BICC1: variants seen among roughly 807,000 people sequenced by gnomAD.
BICC1 encodes BicC family RNA binding protein 1.
Under a neutral mutation model 111.0 loss-of-function variants are expected in BICC1, and 43 were observed. That is an observed-to-expected ratio of 0.39 (90% CI 0.30 to 0.50). BICC1 has a LOEUF of 0.50. Among genes scored for constraint, BICC1 ranks in the 20% least tolerant of loss-of-function variants. The pLI is 0.88. For missense variants in BICC1, 1,091 were observed against 1,203.2 expected (o/e 0.91, Z 1.38); for synonymous variants, 467 against 434.4 (o/e 1.07, Z -0.93).
intron 3 of BICC1, among the ~76,000 whole-genome samples, chr10:58,730,380 C>CT (rs556664628): frequency 4.9e-4 from 75 of 152,274 alleles, no homozygotes; most frequent in Middle Eastern, 3.4e-3. Context: ...GGTTTAGCCC[C>CT]TGTGGCTACT....
intron 1 of BICC1, among the ~76,000 whole-genome samples, chr10:58,565,563 G>A (rs1843729568): frequency 6.6e-6 from 1 of 152,272 alleles, no homozygotes; most frequent in Admixed American, 6.5e-5. Context: ...CCCCCCCGAT[G>A]TATGCCCTGG....
chr10:58,598,898 A>C (rs1844927908), intron 1 of BICC1, among the ~76,000 whole-genome samples: 1 of 152,242 alleles, frequency 6.6e-6, no homozygotes, highest in Admixed American at 6.5e-5. Flanking sequence ...AGACATATGA[A>C]AAAATGCTCA....
intron 1 of BICC1, among the ~76,000 whole-genome samples, chr10:58,521,856 G>A (rs1658490): frequency 0.55 from 78,559 of 141,632 alleles, 22,586 homozygotes; most frequent in African/African-American, 0.72. Flanking sequence ...TTGTAGGTTT[G>A]AGAGTGGTGT....
At chr10:58,795,621 C>A (rs1843328127) in intron 9 of BICC1, among the ~76,000 whole-genome samples, 4 of 151,884 alleles carry the variant, frequency 2.6e-5, no homozygotes, top group South Asian at 2.1e-4. Flanking sequence ...CACATTCTAA[C>A]TACTGCTTTA....
chr10:58,633,977 C>CTTT (rs3076172), intron 2 of BICC1, among the ~76,000 whole-genome samples: 2 of 138,142 alleles, frequency 1.4e-5, no homozygotes, highest in Non-Finnish European at 1.5e-5. Flanking sequence ...TTTTCTTTTT[C>CTTT]TTTTTTTTTT....
intron 2 of BICC1, among the ~76,000 whole-genome samples, chr10:58,629,242 A>G (rs1418904514): frequency 6.6e-6 from 1 of 152,140 alleles, no homozygotes; most frequent in African/African-American, 2.4e-5. Flanking sequence ...AGAAGAATCA[A>G]TGCAGTTTAA....
intron 3 of BICC1, among the ~76,000 whole-genome samples, chr10:58,752,280 T>C (rs558859206): frequency 1.3e-5 from 2 of 152,338 alleles, no homozygotes; most frequent in South Asian, 2.1e-4. Context: ...TCAGCGCGTA[T>C]TGATGGCATT....
intron 2 of BICC1, among the ~76,000 whole-genome samples, chr10:58,676,761 C>T (rs1345884844): frequency 6.6e-6 from 1 of 152,208 alleles, no homozygotes; most frequent in Non-Finnish European, 1.5e-5. Context: ...TGGGAGACAC[C>T]TCCCTACAGG....
In BICC1 at chr10:58,525,178, G is replaced by A. The variant is rs1191787843; in HGVS notation, c.190+11845G>A. ...GCAATTCCTCAGGGATCTAGAACTAGAAATACCATTTGACCCAGCAATCCC... is the reference window on the plus strand; with the variant it reads ...GCAATTCCTCAGGGATCTAGAACTAAAAATACCATTTGACCCAGCAATCCC... On this transcript the variant is annotated intron_variant, in intron 1 of 20. Coordinates refer to ENST00000373886, the MANE Select transcript of BICC1 (RefSeq NM_001080512.3). Among the ~76,000 whole-genome samples the A allele has an allele frequency of 2.2e-5, 3 of 136,028 alleles. No individual in the cohort carries two copies. In the South Asian group the frequency reaches 7.3e-4, roughly 33 times the overall value. 89.2% of individuals were successfully genotyped at this position (136,028 alleles called of 152,430 possible).
intron 2 of BICC1, among the ~76,000 whole-genome samples, chr10:58,634,758 T>C (rs927181172): frequency 6.6e-6 from 1 of 152,234 alleles, no homozygotes; most frequent in Non-Finnish European, 1.5e-5. Flanking sequence ...GATAGCCTAG[T>C]GTTGACCAGA....
chr10:58,544,721 C>G (rs1300032127), intron 1 of BICC1, among the ~76,000 whole-genome samples: 1 of 152,110 alleles, frequency 6.6e-6, no homozygotes, highest in East Asian at 1.9e-4. Context: ...GACATGCATA[C>G]ATACATACAT....
At chr10:58,525,859 G>A (rs12571250) in intron 1 of BICC1, among the ~76,000 whole-genome samples, 5,075 of 151,624 alleles carry the variant, frequency 0.033, 169 homozygotes, top group East Asian at 0.16. Flanking sequence ...TTTGTATTCA[G>A]TATTTTAATC....
chr10:58,606,000 C>G (rs745656274), intron 1 of BICC1, among the ~76,000 whole-genome samples: 5 of 152,128 alleles, frequency 3.3e-5, no homozygotes, highest in Non-Finnish European at 5.9e-5. Flanking sequence ...TCTACACTGT[C>G]TAATGCTCTC....
chr10:58,603,142 G>A (rs1429376446), intron 1 of BICC1, among the ~76,000 whole-genome samples: 1 of 152,176 alleles, frequency 6.6e-6, no homozygotes, highest in Non-Finnish European at 1.5e-5. Context: ...GTCATAATGA[G>A]TTGTGCTAAA....
At chr10:58,817,752 T>C (rs201256144) in intron 19 of BICC1, 30 bp downstream of exon 19, 123 of 1,573,976 alleles carry the variant, frequency 7.8e-5, no homozygotes, top group Middle Eastern at 1.7e-4. Flanking sequence ...CCCAAGTATC[T>C]TTGTTTTGAT....
chr10:58,633,530 G>A (rs1329601588), intron 2 of BICC1, among the ~76,000 whole-genome samples: 3 of 152,110 alleles, frequency 2.0e-5, no homozygotes, highest in African/African-American at 7.2e-5. Flanking sequence ...TGAAACATGA[G>A]TTTTCAGCTA....
At chr10:58,647,541 T>A (rs1838305854) in intron 2 of BICC1, among the ~76,000 whole-genome samples, 1 of 152,136 alleles carries the variant, frequency 6.6e-6, no homozygotes, top group African/African-American at 2.4e-5. Flanking sequence ...GGTTACAGTA[T>A]CAAAGAGTGA....
intron 1 of BICC1, among the ~76,000 whole-genome samples, chr10:58,609,542 G>A (rs537274315): frequency 6.6e-6 from 1 of 152,298 alleles, no homozygotes; most frequent in South Asian, 2.1e-4. Flanking sequence ...GGTAAGATTA[G>A]TCTTATATTT....
At chr10:58,512,809 G>C (rs1248697265), upstream of BICC1, among the ~76,000 whole-genome samples, 3 of 150,406 alleles carry the variant, frequency 2.0e-5, no homozygotes, top group African/African-American at 2.4e-5. Context: ...CGGCTGTAGG[G>C]GCGGCGGGCG....
Sources: allele counts gnomAD v4.1 joint callset (sites outside exome capture counted in the v4.1 genomes callset), GRCh38; gene constraint gnomAD v4.1.1; transcripts MANE v1.5; gene names NCBI Gene and HGNC (gene_info 2026-07-23, HGNC 2026-07-21).